LNP1: variants seen among roughly 807,000 people sequenced by gnomAD.
LNP1 encodes leukemia NUP98 fusion partner 1.
Under a neutral mutation model 14.5 loss-of-function variants are expected in LNP1, and 12 were observed. The ratio of observed to expected loss-of-function variants is 0.83; its 90% CI spans 0.53 to 1.34. LNP1 has a LOEUF of 1.34. Among genes scored for constraint, LNP1 ranks in the 40% most tolerant of loss-of-function variants. The pLI, the probability that LNP1 is intolerant of heterozygous loss-of-function variation, is 0.00. For missense variants in LNP1, 198 were observed against 210.9 expected (o/e 0.94, Z 0.38); for synonymous variants, 75 against 71.4 (o/e 1.05, Z -0.26).
rs138366937 is a variant in LNP1 at position 100,451,423 on chromosome 3, T to G, written c.157-296T>G. On this transcript the variant is annotated intron_variant, in intron 2 of 3. Transcript: ENST00000383693. ...TGGTTGCATTCTTTTGAGTTTCTGA[T>G]TAGCCTCTCCAAAGGAGGCAATCAG... is the stretch of plus-strand genomic sequence containing the variant. 8.6e-3 allele frequency among the ~76,000 whole-genome samples: 1,315 copies of G among 152,302 alleles called. 12 individuals are homozygous for G. The highest frequency in any genetic ancestry group is 0.014 in the Non-Finnish European group (973 of 68,020).
At chr3:100,425,321 G>A (rs1231681514) in intron 1 of LNP1, among the ~76,000 whole-genome samples, 1 of 152,170 alleles carries the variant, frequency 6.6e-6, no homozygotes, top group Admixed American at 6.5e-5. Flanking sequence ...CTGCCTGAAG[G>A]CAGTTTGTTT....
chr3:100,446,401 A>G (rs1202514260), intron 2 of LNP1, among the ~76,000 whole-genome samples: 1 of 152,232 alleles, frequency 6.6e-6, no homozygotes, highest in Non-Finnish European at 1.5e-5. Context: ...AGCCATATGT[A>G]GAAAGCTGAA....
intron 3 of LNP1, 79 bp downstream of exon 3, chr3:100,452,028 G>A: frequency 2.4e-6 from 2 of 818,706 alleles, no homozygotes; most frequent in South Asian, 3.9e-5. Flanking sequence ...ATGATTGAGG[G>A]GAACAAATGT....
chr3:100,453,752 C>T (rs375823001), intron 3 of LNP1, among the ~76,000 whole-genome samples: 1 of 152,132 alleles, frequency 6.6e-6, no homozygotes, highest in African/African-American at 2.4e-5. Flanking sequence ...CCTACACTAT[C>T]TCTCCTTTTC....
chr3:100,420,109 T>C (rs1172452409), intron 1 of LNP1, among the ~76,000 whole-genome samples: 1 of 152,232 alleles, frequency 6.6e-6, no homozygotes, highest in Non-Finnish European at 1.5e-5. Flanking sequence ...TTTTAGTTTG[T>C]CTTTACCTAA....
chr3:100,448,141 C>A (rs867528369), intron 2 of LNP1, among the ~76,000 whole-genome samples: 1 of 152,042 alleles, frequency 6.6e-6, no homozygotes, highest in African/African-American at 2.4e-5. Context: ...GTTATGGAAC[C>A]ACCATTGTAA....
chr3:100,422,232 G>A (rs1707150274), intron 1 of LNP1, among the ~76,000 whole-genome samples: 1 of 148,184 alleles, frequency 6.7e-6, no homozygotes, highest in Admixed American at 6.9e-5. Context: ...CGCCCAGGCT[G>A]GAGTGAAGTG....
chr3:100,441,419 G>T (rs1028341793), intron 2 of LNP1, among the ~76,000 whole-genome samples: 3 of 152,144 alleles, frequency 2.0e-5, no homozygotes, highest in Admixed American at 2.0e-4. Context: ...AGTTTGGCTT[G>T]TCTAAACTGT....
rs1400155682 is a variant in LNP1, at chr3:100,453,592, A to AT, written c.387+1643_387+1644insT. On this transcript the variant is annotated intron_variant, in intron 3 of 3. Transcript: ENST00000383693. ...CAACAGAGCAAGACTCTCAAAAAAA[A>AT]AAAAAAAGAATTCCTGTTTTGTCTT... is the stretch of plus-strand genomic sequence containing the variant. 1.3e-5 allele frequency among the ~76,000 whole-genome samples: 2 copies of AT among 151,876 alleles called. 1 individual carries two copies. Among genetic ancestry groups the AT allele is most frequent in the Non-Finnish European group, 2.9e-5 (2 of 68,002 alleles).
At chr3:100,445,677 T>A (rs945951157) in intron 2 of LNP1, among the ~76,000 whole-genome samples, 3 of 152,064 alleles carry the variant, frequency 2.0e-5, no homozygotes, top group Non-Finnish European at 2.9e-5. Flanking sequence ...TTTTGGTTTT[T>A]AAAAAAATAT....
At chr3:100,409,432 C>G (rs1474505947) in intron 1 of LNP1, among the ~76,000 whole-genome samples, 1 of 151,368 alleles carries the variant, frequency 6.6e-6, no homozygotes, top group East Asian at 2.0e-4. Context: ...ATCATGAGGT[C>G]AGGAGTTCGA....
At chr3:100,415,149 G>T (rs1707069188) in intron 1 of LNP1, among the ~76,000 whole-genome samples, 1 of 152,002 alleles carries the variant, frequency 6.6e-6, no homozygotes, top group Non-Finnish European at 1.5e-5. Flanking sequence ...GATCAGTTTG[G>T]GTACATTAAA....
chr3:100,417,706 A>C (rs1337741379), intron 1 of LNP1, among the ~76,000 whole-genome samples: 1 of 151,942 alleles, frequency 6.6e-6, no homozygotes, highest in Admixed American at 6.6e-5. Flanking sequence ...CGTAGTTTTA[A>C]ATCTTTTTTT....
At chr3:100,455,223 C>T (rs1372521179) in intron 3 of LNP1, among the ~76,000 whole-genome samples, 2 of 152,174 alleles carry the variant, frequency 1.3e-5, no homozygotes, top group African/African-American at 4.8e-5. Flanking sequence ...AGTGTTATAT[C>T]TCCTGATCCT....
At chr3:100,417,325 C>G (rs972511366) in intron 1 of LNP1, among the ~76,000 whole-genome samples, 1 of 144,360 alleles carries the variant, frequency 6.9e-6, no homozygotes, top group Non-Finnish European at 1.5e-5. Context: ...ACGATATTTT[C>G]AAATATACAG....
intron 1 of LNP1, among the ~76,000 whole-genome samples, chr3:100,428,831 T>C: frequency 6.6e-6 from 1 of 152,222 alleles, no homozygotes; most frequent in East Asian, 1.9e-4. Flanking sequence ...TGGATATATC[T>C]CACTGACATC....
intron 3 of LNP1, among the ~76,000 whole-genome samples, chr3:100,453,535 C>T (rs1230296119): frequency 6.8e-6 from 1 of 148,128 alleles, no homozygotes; most frequent in East Asian, 2.0e-4. Flanking sequence ...CTGCCGTCAG[C>T]TATGATTGGG....
intron 2 of LNP1, among the ~76,000 whole-genome samples, chr3:100,449,174 T>C (rs79416639): frequency 3.3e-5 from 5 of 152,360 alleles, no homozygotes; most frequent in African/African-American, 7.2e-5. Flanking sequence ...AGAGCCCACA[T>C]TGAATTCTGG....
chr3:100,450,379 G>C (rs1707426806), intron 2 of LNP1, among the ~76,000 whole-genome samples: 1 of 150,804 alleles, frequency 6.6e-6, no homozygotes, highest in Non-Finnish European at 1.5e-5. Context: ...TCCTGCCCAG[G>C]CCAGAGTGCA....
Sources: gnomAD v4.1 joint callset for allele counts (sites outside exome capture counted in the v4.1 genomes callset) on GRCh38, gnomAD v4.1.1 for gene constraint, MANE v1.5 for transcripts, NCBI Gene and HGNC (gene_info 2026-07-23, HGNC 2026-07-21) for gene names.